The following COLGALT2 variants were observed in gnomAD, a reference collection of about 807,000 sequenced individuals.
The protein encoded by COLGALT2 is collagen beta(1-O)galactosyltransferase 2.
A neutral mutation model predicts 73.4 loss-of-function variants in COLGALT2; 49 were observed. The observed-to-expected ratio is 0.67, with a 90% CI of 0.53 to 0.85. The LOEUF is 0.85. Ranked by LOEUF, COLGALT2 falls within the 40% of genes least tolerant of loss-of-function variation. The pLI is 0.00. For missense variants in COLGALT2, 722 were observed against 790.2 expected, an observed-to-expected ratio of 0.91 and a Z score of 1.03; for synonymous variants, 295 against 307.6, an observed-to-expected ratio of 0.96 and a Z score of 0.43.
chr1:183,975,041 C>T, intron 3 of COLGALT2, 56 bp downstream of exon 3: 2 of 1,268,576 alleles, frequency 1.6e-6, no homozygotes, highest in Middle Eastern at 1.9e-4. Context: ...TTTTGGACGA[C>T]TGATTTGGAT....
chr1:183,985,580 G>A (rs577320588), intron 1 of COLGALT2, among the ~76,000 whole-genome samples: 6 of 152,208 alleles, frequency 3.9e-5, no homozygotes, highest in East Asian at 1.9e-4. Flanking sequence ...GCCAGGACAC[G>A]GTACTTCTGA....
intron 1 of COLGALT2, among the ~76,000 whole-genome samples, chr1:184,008,600 C>T (rs1403970954): frequency 6.6e-6 from 1 of 152,040 alleles, no homozygotes; most frequent in African/African-American, 2.4e-5. Context: ...CTTGGTGGTG[C>T]ATGCTTGTAG....
intron 1 of COLGALT2, among the ~76,000 whole-genome samples, chr1:183,995,041 T>C (rs1358238927): frequency 2.6e-5 from 4 of 152,166 alleles, no homozygotes; most frequent in Admixed American, 2.0e-4. Context: ...AGTTTCCACA[T>C]TTGCATTGTT....
At chr1:184,014,260 A>G (rs922007606) in intron 1 of COLGALT2, among the ~76,000 whole-genome samples, 1 of 152,208 alleles carries the variant, frequency 6.6e-6, no homozygotes, top group Non-Finnish European at 1.5e-5. Flanking sequence ...GAAATGAGTA[A>G]GCCAAAGGGA....
intron 1 of COLGALT2, among the ~76,000 whole-genome samples, chr1:184,017,781 T>G (rs915560313): frequency 6.6e-6 from 1 of 152,196 alleles, no homozygotes; most frequent in Admixed American, 6.5e-5. Context: ...TAACCACTTC[T>G]GGGCCTGGGC....
In COLGALT2 at chr1:183,938,085, T is replaced by A. The variant is rs939210774; in HGVS notation, c.*676A>T. 58 of 985,248 alleles carry A rather than the reference T, an allele frequency of 5.9e-5. No homozygotes were observed. The highest frequency in any genetic ancestry group is 5.2e-4 in the Middle Eastern group (1 of 1,936). 61.0% of individuals were successfully genotyped at this position (985,248 alleles called of 1,614,324 possible). The stretch of plus-strand genomic sequence containing the variant: ...ACTGTCAAATATCTACTAAATTATA[T>A]CCACATGGCAAACTGGTCACCTCTA... On this transcript the variant is annotated 3_prime_UTR_variant, in exon 12 of 12. Transcript: ENST00000361927.
chr1:184,037,392 G>T lies in COLGALT2; in HGVS notation c.-35C>A. ...CGAGGCGGGCGGCGGGGAAGTCCTG[G>T]CGCGAGCGCCCGGCTGGGCTGCCTG... is the stretch of plus-strand genomic sequence containing the variant. On this transcript the variant is annotated 5_prime_UTR_variant, in exon 1 of 12. Transcript: ENST00000361927. The T allele has an allele frequency of 7.4e-7, 1 of 1,349,672 alleles. No individual in the cohort carries two copies. The highest frequency in any genetic ancestry group is 9.5e-7 in the Non-Finnish European group (1 of 1,053,112). 83.6% of individuals were successfully genotyped at this position (1,349,672 alleles called of 1,614,324 possible).
At chr1:183,951,930 C>A (rs1670413496) in intron 7 of COLGALT2, among the ~76,000 whole-genome samples, 1 of 152,180 alleles carries the variant, frequency 6.6e-6, no homozygotes, top group Non-Finnish European at 1.5e-5. Context: ...CAGCACACTA[C>A]CTGCCTTCAA....
Position 184,001,192 on chromosome 1 carries a change from G to A in COLGALT2, c.264-22672C>T, listed in dbSNP as rs1414847135. 3.9e-5 allele frequency among the ~76,000 whole-genome samples: 6 copies of A among 152,052 alleles called. 1 individual carries two copies. The highest frequency in any genetic ancestry group is 2.6e-4 in the Admixed American group (4 of 15,266). On this transcript the variant is annotated intron_variant, in intron 1 of 11. Coordinates refer to ENST00000361927, the MANE Select transcript of COLGALT2 (RefSeq NM_015101.4). Reference sequence around the variant, plus strand: ...GATATTTGCTCTTGAAAAGTCTCCTGTACTATGTTGTTCTTTTTTGGTAAT... The same window carrying A: ...GATATTTGCTCTTGAAAAGTCTCCTATACTATGTTGTTCTTTTTTGGTAAT...
intron 1 of COLGALT2, among the ~76,000 whole-genome samples, chr1:183,988,486 T>C (rs1671545751): frequency 6.6e-6 from 1 of 152,130 alleles, no homozygotes; most frequent in African/African-American, 2.4e-5. Flanking sequence ...CTACATGCAT[T>C]AGCAGTCACC....
At chr1:183,932,822 C>T (rs1273521145), downstream of COLGALT2, among the ~76,000 whole-genome samples, 1 of 152,132 alleles carries the variant, frequency 6.6e-6, no homozygotes, top group Non-Finnish European at 1.5e-5. Context: ...CCACACAGAG[C>T]TGGCAGCGAT....
intron 9 of COLGALT2, 23 bp from the exon 10 acceptor site, chr1:183,944,346 G>C (rs1670193308): frequency 3.8e-6 from 6 of 1,598,636 alleles, no homozygotes; most frequent in Non-Finnish European, 5.1e-6. Flanking sequence ...TCAGTAGGAA[G>C]ATACCCTATG....
chr1:183,972,908 C>G (rs1006173209), intron 4 of COLGALT2, among the ~76,000 whole-genome samples: 3 of 152,084 alleles, frequency 2.0e-5, no homozygotes, highest in Admixed American at 2.0e-4. Context: ...ACCATGTTAG[C>G]CAGGATGGTC....
intron 10 of COLGALT2, among the ~76,000 whole-genome samples, chr1:183,942,782 A>T (rs943408): frequency 2.4e-4 from 36 of 152,332 alleles, no homozygotes; most frequent in South Asian, 1.9e-3. Context: ...TTTAGAAAAC[A>T]TTTTTTTCCT....
chr1:184,007,194 AAT>A (rs879595776), intron 1 of COLGALT2, among the ~76,000 whole-genome samples: 6 of 152,228 alleles, frequency 3.9e-5, no homozygotes, highest in Non-Finnish European at 7.3e-5. Context: ...AGGCACAGGG[AAT>A]AACACCATGT....
chr1:183,987,446 C>A (rs1164550101), intron 1 of COLGALT2, among the ~76,000 whole-genome samples: 1 of 152,252 alleles, frequency 6.6e-6, no homozygotes, highest in African/African-American at 2.4e-5. Context: ...TGAACCTCTA[C>A]ATCTCCAAAC....
chr1:183,980,989 T>A (rs534204014), intron 1 of COLGALT2, among the ~76,000 whole-genome samples: 1 of 152,194 alleles, frequency 6.6e-6, no homozygotes, highest in Admixed American at 6.5e-5. Context: ...CCACACCTAA[T>A]CCTGGTTTTT....
At chr1:184,028,193 T>C (rs1572687143) in intron 1 of COLGALT2, among the ~76,000 whole-genome samples, 1 of 152,362 alleles carries the variant, frequency 6.6e-6, no homozygotes, top group East Asian at 1.9e-4. Context: ...GGGAATGCTA[T>C]GGCCCCAAAT....
intron 1 of COLGALT2, among the ~76,000 whole-genome samples, chr1:184,019,164 T>C (rs758153383): frequency 3.3e-5 from 5 of 152,174 alleles, no homozygotes; most frequent in African/African-American, 1.2e-4. Flanking sequence ...ATAAATACCA[T>C]TGACTTAAGG....
Sources: allele counts gnomAD v4.1 joint callset (sites outside exome capture counted in the v4.1 genomes callset), GRCh38; gene constraint gnomAD v4.1.1; transcripts MANE v1.5; gene names NCBI Gene and HGNC (gene_info 2026-07-23, HGNC 2026-07-21).